The following ANKRD34B variants were observed in gnomAD, a reference collection of about 807,000 sequenced individuals.
ANKRD34B encodes ankyrin repeat domain-containing protein 34B.
ANKRD34B carries 2 observed loss-of-function variants against 4.4 expected under a neutral mutation model. The observed-to-expected ratio is 0.46, with a 90% CI of 0.19 to 1.44. The LOEUF is 1.44. Ranked by LOEUF, ANKRD34B falls within the 40% of genes most tolerant of loss-of-function variation. ANKRD34B has a pLI of 0.26. For synonymous variants in ANKRD34B, 226 were observed against 227.1 expected (o/e 0.99, Z 0.05); for missense variants, 558 against 604.7 (o/e 0.92, Z 0.81).
In ANKRD34B at chr5:80,568,925, C is replaced by CAGAGAGAG. The variant is rs1554060878; in HGVS notation, c.-191+27_-191+34dup. 8.0e-3 allele frequency: 398 copies of CAGAGAGAG among 49,768 alleles called. 10 individuals are homozygous for CAGAGAGAG. Among genetic ancestry groups the CAGAGAGAG allele is most frequent in the South Asian group, 0.017 (20 of 1,184 alleles). 3.1% of individuals were successfully genotyped at this position (49,768 alleles called of 1,614,324 possible). ...ACACACACACACACACACACACACA[C>CAGAGAGAG]AGAGAGAGAGAGAGAGAGAGAGAGA... On this transcript the variant is annotated intron_variant, in intron 2 of 4. Transcript: ENST00000338682.
intron 4 of ANKRD34B, among the ~76,000 whole-genome samples, chr5:80,563,421 G>A (rs1345355051): frequency 6.6e-6 from 1 of 152,156 alleles, no homozygotes; most frequent in Non-Finnish European, 1.5e-5. Flanking sequence ...AAAGAGCATA[G>A]CATATATGTG....
At chr5:80,562,921 G>C (rs1218639653) in intron 4 of ANKRD34B, among the ~76,000 whole-genome samples, 1 of 151,314 alleles carries the variant, frequency 6.6e-6, no homozygotes, top group Non-Finnish European at 1.5e-5. Context: ...AAACAAAAAT[G>C]CCTCTTACAT....
Position 80,559,938 on chromosome 5 carries a change from G to A in ANKRD34B, c.82C>T (p.Leu28Phe). ...ATGTAGGCACCGCCTTCTAGCAAAA[G>A]TCTTGTGAGGCGAAGCCGGCTCTGA... ...VHQSRLRLTR[L>F]LLEGGAYINE... The change falls in exon 5 of 5, where the codon CTT becomes TTT. Residue 28 changes from leucine (L) to phenylalanine (F), a missense_variant. Leu to Phe is a conservative substitution (Grantham distance 22). Coordinates refer to ENST00000338682, the MANE Select transcript of ANKRD34B (RefSeq NM_001004441.3). 6.2e-7 allele frequency: 1 copy of A among 1,614,070 alleles called. No homozygotes were observed. The highest frequency in any genetic ancestry group is 8.5e-7 in the Non-Finnish European group (1 of 1,179,988).
chr5:80,559,695 C>T lies in ANKRD34B; in HGVS notation c.325G>A (p.Ala109Thr), dbSNP rs1401561418. The T allele has an allele frequency of 1.2e-6, 2 of 1,614,172 alleles. No homozygotes were observed. The highest frequency in any genetic ancestry group is 1.7e-6 in the Non-Finnish European group (2 of 1,180,032). The change falls in exon 5 of 5, where the codon GCT (alanine) becomes ACT (threonine). Residue 109 changes from alanine (A) to threonine (T), a missense_variant. Coordinates refer to ENST00000338682, the MANE Select transcript of ANKRD34B (RefSeq NM_001004441.3). ...GAATGGTCTTGCAAGCTGAGGTCAG[C>T]CCCACTCTTGAGGAGCAAGGAAACA... ...EVVSLLLKSG[A>T]DLSLQDHSSY...
rs987835279 is a variant in ANKRD34B at position 80,559,136 on chromosome 5, T to C, written c.884A>G (p.Gln295Arg). 1.9e-6 allele frequency: 3 copies of C among 1,614,116 alleles called. No homozygotes were observed. The highest frequency in any genetic ancestry group is 1.7e-5 in the Admixed American group (1 of 60,002). Residue 295 changes from glutamine to arginine, a missense_variant, in exon 5 of 5, where the codon CAA becomes CGA. Transcript: ENST00000338682. ...ALSKRFITRH[Q>R]SIDVKDTAHL... ...TGCAGTGTCTTTTACATCAATGCTTTGGTGCCTAGTGATGAACCGCTTGGA... is the reference window on the plus strand; with the variant it reads ...TGCAGTGTCTTTTACATCAATGCTTCGGTGCCTAGTGATGAACCGCTTGGA...
intron 4 of ANKRD34B, among the ~76,000 whole-genome samples, chr5:80,562,447 G>A (rs1485550392): frequency 6.6e-6 from 1 of 152,116 alleles, no homozygotes; most frequent in Non-Finnish European, 1.5e-5. Context: ...GAGCATCTCT[G>A]GACTTGGAGA....
rs373195260 is a variant in ANKRD34B, at chr5:80,558,861, C to T, written c.1159G>A (p.Gly387Ser). ...AGLTPPTSED[G>S]KALIGKKKIL... Reference sequence around the variant, plus strand: ...TTTTTCTTTCCTATAAGTGCTTTGCCGTCTTCTGAAGTTGGAGGGGTAAGG... The same window carrying T: ...TTTTTCTTTCCTATAAGTGCTTTGCTGTCTTCTGAAGTTGGAGGGGTAAGG... The change falls in exon 5 of 5, where the codon GGC becomes AGC. Residue 387 changes from glycine to serine, a missense_variant. Physicochemically the swap from Gly to Ser is moderately conservative, Grantham distance 56. Transcript: ENST00000338682. 45 of 1,613,774 alleles carry T rather than the reference C, an allele frequency of 2.8e-5. No homozygotes were observed. Among genetic ancestry groups the T allele is most frequent in the East Asian group, 1.6e-4 (7 of 44,888 alleles).
chr5:80,559,194 C>G lies in ANKRD34B; in HGVS notation c.826G>C (p.Glu276Gln). 1 of 1,614,186 alleles carries G rather than the reference C, an allele frequency of 6.2e-7. No homozygotes were observed. The highest frequency in any genetic ancestry group is 8.5e-7 in the Non-Finnish European group (1 of 1,180,044). Residue 276 changes from glutamate to glutamine, a missense_variant, in exon 5 of 5, where the codon GAA (glutamate) becomes CAA (glutamine). Transcript: ENST00000338682. The stretch of plus-strand genomic sequence containing the variant: ...AGCCCATTGGTTTTATAGGATAGTT[C>G]TTCCTCTGGTGTAATATCCTGGAGC... Reference protein sequence around the residue: ...EELQDITPEEELSYKTNGLAL... With the variant: ...EELQDITPEEQLSYKTNGLAL...
At chr5:80,567,200 TTG>T (rs1489541482) in intron 2 of ANKRD34B, among the ~76,000 whole-genome samples, 2 of 152,184 alleles carry the variant, frequency 1.3e-5, no homozygotes, top group African/African-American at 4.8e-5. Context: ...AGGGCCTGAT[TTG>T]TGTGTTATCT....
intron 2 of ANKRD34B, among the ~76,000 whole-genome samples, chr5:80,567,272 A>T (rs983344568): frequency 9.2e-5 from 14 of 152,106 alleles, no homozygotes; most frequent in African/African-American, 3.4e-4. Flanking sequence ...ACGATAGGCC[A>T]GGCCTTTCCT....
At chr5:80,567,216 A>AT (rs1222114929) in intron 2 of ANKRD34B, among the ~76,000 whole-genome samples, 1 of 152,126 alleles carries the variant, frequency 6.6e-6, no homozygotes, top group Non-Finnish European at 1.5e-5. Context: ...GTTATCTCAC[A>AT]TGGCAGTGCT....
intron 1 of ANKRD34B, among the ~76,000 whole-genome samples, chr5:80,569,319 G>A (rs1174143301): frequency 2.0e-5 from 3 of 152,280 alleles, no homozygotes; most frequent in African/African-American, 7.2e-5. Context: ...CCTCCCTTGG[G>A]AAATGGTGCG....
rs1043522320 is a variant in ANKRD34B at position 80,559,149 on chromosome 5, T to C, written c.871A>G (p.Ile291Val). ...TNGLALSKRFITRHQSIDVKD... is the reference protein window; with the variant it reads ...TNGLALSKRFVTRHQSIDVKD... ...ACATCAATGCTTTGGTGCCTAGTGA[T>C]GAACCGCTTGGAAAGTGCCAGCCCA... The change falls in exon 5 of 5, where the codon ATC becomes GTC. Residue 291 changes from isoleucine (I) to valine (V), a missense_variant. Coordinates refer to ENST00000338682, the MANE Select transcript of ANKRD34B (RefSeq NM_001004441.3). 1.2e-6 allele frequency: 2 copies of C among 1,614,210 alleles called. No homozygotes were observed. The highest frequency in any genetic ancestry group is 1.7e-6 in the Non-Finnish European group (2 of 1,180,040).
At position 80,559,714 on chromosome 5, in the gene ANKRD34B, G is replaced by A. The variant is rs771654714; in HGVS notation, c.306C>T (p.Ser102=). 28 of 1,614,212 alleles carry A rather than the reference G, an allele frequency of 1.7e-5. No individual in the cohort carries two copies. The highest frequency in any genetic ancestry group is 2.4e-5 in the Non-Finnish European group (28 of 1,180,038). The change falls in exon 5 of 5, where the codon TCC becomes TCT. Residue 102 remains serine, a synonymous_variant. Transcript: ENST00000338682. The stretch of plus-strand genomic sequence containing the variant: ...GGTCAGCCCCACTCTTGAGGAGCAA[G>A]GAAACAACTTCAGGGCCAGCTTTTT... The part of the protein sequence containing the change: ...CLEKAGPEVV[S]LLLKSGADLS...
Position 80,558,550 on chromosome 5 carries a change from T to C in ANKRD34B, c.1470A>G (p.Glu490=), listed in dbSNP as rs1433622699. The C allele has an allele frequency of 6.2e-7, 1 of 1,614,130 alleles. No homozygotes were observed. Among genetic ancestry groups the C allele is most frequent in the South Asian group, 1.1e-5 (1 of 91,060 alleles). ...LMPTVPIFPK[E]FKSKKMLLRR... is the part of the protein sequence containing the mutation. ...TTAACAACATTTTCTTACTTTTGAA[T>C]TCTTTAGGGAAAATCGGAACTGTTG... The change falls in exon 5 of 5, where the codon GAA becomes GAG. Residue 490 remains glutamate, a synonymous_variant. Coordinates refer to ENST00000338682, the MANE Select transcript of ANKRD34B (RefSeq NM_001004441.3).
At position 80,559,057 on chromosome 5, in the gene ANKRD34B, T is replaced by G; in HGVS notation, c.963A>C (p.Glu321Asp). 1 of 1,614,262 alleles carries G rather than the reference T, an allele frequency of 6.2e-7. No homozygotes were observed. Among genetic ancestry groups the G allele is most frequent in the Non-Finnish European group, 8.5e-7 (1 of 1,180,054 alleles). The change falls in exon 5 of 5, where the codon GAA becomes GAC. Residue 321 changes from glutamate to aspartate, a missense_variant. Physicochemically the swap from Glu to Asp is conservative, Grantham distance 45. Coordinates refer to ENST00000338682, the MANE Select transcript of ANKRD34B (RefSeq NM_001004441.3). The stretch of plus-strand genomic sequence containing the variant: ...CTGAAAGATAAGATTGACAATTTAT[T>G]TCATCATATGACATCTTCCTTGAGC... ...QASSRKMSYDEINCQSYLSEG... is the reference protein window; with the variant it reads ...QASSRKMSYDDINCQSYLSEG...
In ANKRD34B at chr5:80,559,474, G is replaced by A. The variant is rs780827365; in HGVS notation, c.546C>T (p.Thr182=). 1 of 1,614,212 alleles carries A rather than the reference G, an allele frequency of 6.2e-7. No homozygotes were observed. The highest frequency in any genetic ancestry group is 8.5e-7 in the Non-Finnish European group (1 of 1,180,036). ...TGTCTATTTCTGAAGGAGTGGTGCA[G>A]GTAGCTGGGGAATGACACCCATCTA... The part of the protein sequence containing the change: ...VDIDGCHSPA[T]CTTPSEIDIK... Residue 182 remains threonine, a synonymous_variant, in exon 5 of 5, where the codon ACC becomes ACT. Coordinates refer to ENST00000338682, the MANE Select transcript of ANKRD34B (RefSeq NM_001004441.3).
chr5:80,561,172 T>C (rs1252028348), intron 4 of ANKRD34B, among the ~76,000 whole-genome samples: 1 of 152,184 alleles, frequency 6.6e-6, no homozygotes, highest in East Asian at 1.9e-4. Flanking sequence ...ATTTAAATAT[T>C]TTAGATTTAG....
At chr5:80,569,882 C>T (rs1429023631) in intron 1 of ANKRD34B, among the ~76,000 whole-genome samples, 1 of 152,198 alleles carries the variant, frequency 6.6e-6, no homozygotes, top group African/African-American at 2.4e-5. Flanking sequence ...GTGGAGCGCG[C>T]CCCGGGGTGG....
Sources: allele counts gnomAD v4.1 joint callset (sites outside exome capture counted in the v4.1 genomes callset), GRCh38; gene constraint gnomAD v4.1.1; transcripts MANE v1.5; gene names NCBI Gene and HGNC (gene_info 2026-07-23, HGNC 2026-07-21).